The following TENM1 variants were observed in gnomAD, a reference collection of about 807,000 sequenced individuals.
The protein encoded by TENM1 is teneurin transmembrane protein 1.
Under a neutral mutation model 174.8 loss-of-function variants are expected in TENM1, and 35 were observed. The ratio of observed to expected loss-of-function variants is 0.20; its 90% CI spans 0.15 to 0.27. TENM1 has a LOEUF of 0.27. Ranked by LOEUF, TENM1 falls within the 10% of genes least tolerant of loss-of-function variation. The pLI is 1.00. For missense variants in TENM1, 1,633 were observed against 2,130.1 expected (o/e 0.77, Z 4.59); for synonymous variants, 781 against 798.7 (o/e 0.98, Z 0.37).
intron 25 of TENM1, among the ~76,000 whole-genome samples, chrX:124,408,822 C>T (rs2060494593): frequency 1.9e-5 from 1 of 52,622 alleles, no homozygotes; most frequent in Non-Finnish European, 3.2e-5. Flanking sequence ...CTCCCCCCTC[C>T]CCCCACCCCA....
intron 18 of TENM1, among the ~76,000 whole-genome samples, chrX:124,516,785 G>A (rs924615316): frequency 2.7e-4 from 30 of 111,608 alleles, no homozygotes; most frequent in Non-Finnish European, 9.4e-5. Context: ...ATTTCCATTC[G>A]ACCCAGAAAT....
At chrX:124,922,229 G>C (rs2058033171) in intron 1 of TENM1, among the ~76,000 whole-genome samples, 1 of 111,322 alleles carries the variant, frequency 9.0e-6, no homozygotes, top group East Asian at 2.8e-4. Context: ...ATTTCTAGAT[G>C]CTATTCCACT....
intron 11 of TENM1, among the ~76,000 whole-genome samples, chrX:124,599,494 G>C (rs1353093604): frequency 1.8e-5 from 2 of 111,145 alleles, no homozygotes; most frequent in Non-Finnish European, 3.8e-5. Flanking sequence ...AGTGTGATGA[G>C]AAATGAATGG....
intron 11 of TENM1, among the ~76,000 whole-genome samples, chrX:124,616,671 T>C (rs1215229023): frequency 8.9e-6 from 1 of 112,615 alleles, no homozygotes; most frequent in East Asian, 2.8e-4. Flanking sequence ...TACTGGACCC[T>C]CTAGAACTTG....
chrX:125,070,129 T>C, the TENM1 span, among the ~76,000 whole-genome samples: 1 of 109,784 alleles, frequency 9.1e-6, no homozygotes, highest in East Asian at 2.9e-4. Context: ...AATTCGAGGC[T>C]GTAGTGGGCC....
At chrX:125,147,034 G>A in the TENM1 span, among the ~76,000 whole-genome samples, 1 of 109,000 alleles carries the variant, frequency 9.2e-6, no homozygotes, top group Admixed American at 9.8e-5. Context: ...ATACACACAT[G>A]CATACATGTG....
chrX:124,603,652 G>C (rs1400478624), intron 11 of TENM1, among the ~76,000 whole-genome samples: 1 of 111,871 alleles, frequency 8.9e-6, no homozygotes, highest in Non-Finnish European at 1.9e-5. Context: ...CACCACAGTA[G>C]TTGGTAATAA....
At chrX:125,073,005 C>T in the TENM1 span, among the ~76,000 whole-genome samples, 2 of 110,984 alleles carry the variant, frequency 1.8e-5, no homozygotes, top group Non-Finnish European at 3.8e-5. Flanking sequence ...TCAATAGGGA[C>T]TCATGAGCTG....
chrX:124,440,752 T>G (rs1740295932), intron 23 of TENM1, among the ~76,000 whole-genome samples: 1 of 111,405 alleles, frequency 9.0e-6, no homozygotes, highest in African/African-American at 3.3e-5. Context: ...TACAGGTGAG[T>G]AATAATGTGG....
chrX:124,646,699 G>A lies in TENM1; in HGVS notation c.1681+10C>T, dbSNP rs750350424. ...TTCCTAAACCAATCAGAATAACAGA[G>A]CAACATTACCTCTAGCACAGTCAGG... On this transcript the variant is annotated intron_variant, in intron 9 of 31. Coordinates refer to ENST00000422452, the Ensembl canonical transcript of TENM1. 8.8e-7 allele frequency: 1 copy of A among 1,142,280 alleles called. No homozygotes were observed. Among genetic ancestry groups the A allele is most frequent in the Non-Finnish European group, 1.2e-6 (1 of 837,551 alleles). 94.1% of individuals were successfully genotyped at this position (1,142,280 alleles called of 1,213,427 possible).
At chrX:124,433,999 G>A (rs1001393633) in intron 23 of TENM1, among the ~76,000 whole-genome samples, 1 of 111,667 alleles carries the variant, frequency 9.0e-6, no homozygotes, top group Admixed American at 9.5e-5. Context: ...GGGAGTCTGG[G>A]AATTCCCAAG....
chrX:125,038,523 C>T, the TENM1 span, among the ~76,000 whole-genome samples: 16 of 111,413 alleles, frequency 1.4e-4, no homozygotes, highest in African/African-American at 3.9e-4. Context: ...TATAGACACA[C>T]GGCATAATCC....
exon 5 of TENM1, chrX:124,705,050 G>A (rs2052865449): frequency 8.3e-7 from 1 of 1,208,761 alleles, no homozygotes; most frequent in African/African-American, 1.8e-5. Flanking sequence ...AAGTCACTGT[G>A]ATTGCAGTGG....
At chrX:124,926,129 G>A (rs964960929) in intron 1 of TENM1, among the ~76,000 whole-genome samples, 1 of 112,354 alleles carries the variant, frequency 8.9e-6, no homozygotes, top group Non-Finnish European at 1.9e-5. Context: ...CAACAGAAAG[G>A]AATTGTACAG....
At chrX:124,577,017 C>T (rs932083717) in intron 11 of TENM1, among the ~76,000 whole-genome samples, 7 of 112,130 alleles carry the variant, frequency 6.2e-5, no homozygotes, top group African/African-American at 2.3e-4. Context: ...GTGGCAAAGC[C>T]AAAGCTGTAT....
chrX:124,598,115 C>G (rs2049944306), intron 11 of TENM1, among the ~76,000 whole-genome samples: 1 of 111,299 alleles, frequency 9.0e-6, no homozygotes, highest in South Asian at 3.8e-4. Context: ...AAATGGCAAC[C>G]AGGTATATGA....
the TENM1 span, among the ~76,000 whole-genome samples, chrX:125,004,816 C>A: frequency 9.0e-6 from 1 of 110,712 alleles, no homozygotes; most frequent in Non-Finnish European, 1.9e-5. Context: ...ATGTTTTTTT[C>A]TTTTTTAATT....
At chrX:125,054,037 C>A in the TENM1 span, among the ~76,000 whole-genome samples, 2 of 111,812 alleles carry the variant, frequency 1.8e-5, no homozygotes, top group Non-Finnish European at 3.8e-5. Flanking sequence ...TTCTAAGGAC[C>A]TTTTAGCTTT....
chrX:124,856,344 T>C (rs756660226), intron 3 of TENM1, among the ~76,000 whole-genome samples: 33 of 111,125 alleles, frequency 3.0e-4, no homozygotes, highest in Non-Finnish European at 3.0e-4. Flanking sequence ...TTATATACAT[T>C]AGATTAAAAG....
Sources: allele counts gnomAD v4.1 joint callset (sites outside exome capture counted in the v4.1 genomes callset), GRCh38; gene constraint gnomAD v4.1.1; transcripts MANE v1.5; gene names NCBI Gene and HGNC (gene_info 2026-07-23, HGNC 2026-07-21).